The following MEIOSIN variants were observed in gnomAD, a reference collection of about 807,000 sequenced individuals.
The protein encoded by MEIOSIN is meiosis initiator protein.
Under a neutral mutation model 23.4 loss-of-function variants are expected in MEIOSIN, and 18 were observed. The ratio of observed to expected loss-of-function variants is 0.77; its 90% confidence interval spans 0.53 to 1.14. The LOEUF (loss-of-function observed/expected upper bound fraction) is 1.14. Ranked by LOEUF, MEIOSIN falls within the 50% of genes most tolerant of loss-of-function variation. The probability of loss-of-function intolerance (pLI) is 0.00; values close to 1 mark genes in which losing one functional copy is unlikely to be tolerated. For missense variants in MEIOSIN, 428 were observed against 242.9 expected (o/e 1.76, Z -5.07); for synonymous variants, 187 against 100.6 (o/e 1.86, Z -5.14).
intron 13 of MEIOSIN, among the ~76,000 whole-genome samples, chr19:45,762,419 A>G (rs1431158960): frequency 1.3e-5 from 2 of 151,944 alleles, no homozygotes; most frequent in Admixed American, 6.6e-5. Context: ...GAAAAAAAGG[A>G]GTTTTTTTTG....
intron 11 of MEIOSIN, among the ~76,000 whole-genome samples, 189 bp from the exon 12 acceptor site, chr19:45,761,490 T>C (rs929815075): frequency 4.7e-4 from 65 of 137,602 alleles, no homozygotes; most frequent in African/African-American, 1.5e-3. Flanking sequence ...GGCTGGTCTG[T>C]AACTCCTGGC....
At position 45,764,127 on chromosome 19, in the gene MEIOSIN, C is replaced by T. The variant is rs1053470436; in HGVS notation, c.*9C>T. ...CCCCGCACCTCCAGTGAGAGGGCGG[C>T]CCCTCGCCTCGCTCCCCTCACCCCT... On this transcript the variant is annotated 3_prime_UTR_variant, in exon 15 of 15. Transcript: ENST00000457052. 7.5e-6 allele frequency: 3 copies of T among 398,648 alleles called. No individual in the cohort carries two copies. The highest frequency in any genetic ancestry group is 6.3e-4 in the Middle Eastern group (1 of 1,588). 24.7% of individuals were successfully genotyped at this position (398,648 alleles called of 1,614,324 possible). A position where few individuals can be genotyped will look rare whatever the true frequency, so the allele number is the denominator to read the frequency against.
Position 45,758,093 on chromosome 19 carries a change from G to A in MEIOSIN, c.1013-785G>A, listed in dbSNP as rs1968867003. Among the ~76,000 whole-genome samples the A allele has an allele frequency of 9.2e-5, 14 of 151,856 alleles. No homozygotes were observed. The South Asian group carries it at 2.9e-3, about 32-fold the overall frequency. Reference sequence around the variant, plus strand: ...GTTCACTGCAACTTCTGCCTCCCAGGATCAGGTGATTCTGTGTCAGCCTCT... The same window carrying A: ...GTTCACTGCAACTTCTGCCTCCCAGAATCAGGTGATTCTGTGTCAGCCTCT... On this transcript the variant is annotated intron_variant, in intron 9 of 14. Transcript: ENST00000457052.
Position 45,755,912 on chromosome 19 carries a change from T to C in MEIOSIN, c.803-58T>C, listed in dbSNP as rs1600388043. On this transcript the variant is annotated intron_variant, in intron 7 of 14. Transcript: ENST00000457052. ...CTGGCACCCCTTTGTCCCCTGCTTC[T>C]GGGCTTCCTGGAATTTGGTCCAGTC... 1.0e-5 allele frequency: 7 copies of C among 682,494 alleles called. No individual in the cohort carries two copies. The East Asian group carries it at 1.9e-4, about 18-fold the overall frequency. 42.3% of individuals were successfully genotyped at this position (682,494 alleles called of 1,614,324 possible).
chr19:45,736,156 C>G (rs1968404945), intron 2 of MEIOSIN, among the ~76,000 whole-genome samples: 1 of 152,034 alleles, frequency 6.6e-6, no homozygotes, highest in Non-Finnish European at 1.5e-5. Context: ...GCTTGATCCT[C>G]CTGCTTCAGC....
intron 5 of MEIOSIN, among the ~76,000 whole-genome samples, chr19:45,751,784 G>A (rs1174578160): frequency 6.6e-6 from 1 of 151,548 alleles, no homozygotes; most frequent in Non-Finnish European, 1.5e-5. Context: ...AGGCTGGAGT[G>A]CAGTGGCGTG....
chr19:45,755,405 T>C (rs1478303825), intron 7 of MEIOSIN, among the ~76,000 whole-genome samples: 1 of 151,848 alleles, frequency 6.6e-6, no homozygotes, highest in Non-Finnish European at 1.5e-5. Context: ...CACCTTGGCC[T>C]CCCAAAGTGC....
chr19:45,748,426 A>G (rs769462266), intron 4 of MEIOSIN, among the ~76,000 whole-genome samples: 30 of 152,188 alleles, frequency 2.0e-4, no homozygotes, highest in Non-Finnish European at 3.1e-4. Flanking sequence ...ATCTCACTCC[A>G]AAGGCTCTTG....
At position 45,754,717 on chromosome 19, in the gene MEIOSIN, C is replaced by A; in HGVS notation, c.795C>A (p.Asp265Glu). 2 of 703,062 alleles carry A rather than the reference C, an allele frequency of 2.8e-6. No individual in the cohort carries two copies. Among genetic ancestry groups the A allele is most frequent in the Non-Finnish European group, 5.2e-6 (2 of 385,026 alleles). 43.6% of individuals were successfully genotyped at this position (703,062 alleles called of 1,614,324 possible). A position where few individuals can be genotyped will look rare whatever the true frequency, so the allele number is the denominator to read the frequency against. The change falls in exon 7 of 15, where the codon GAC becomes GAA. Residue 265 changes from aspartate (D) to glutamate (E), a missense_variant. Asp to Glu is a conservative substitution (Grantham distance 45). Transcript: ENST00000457052. ...TGGCCGAGGACACCATCCACTGTGA[C>A]ATCTCAAGTGGGTCTCTTTCCTCAC... ...LDLAEDTIHC[D>E]ISSCWCQGSV... is the part of the protein sequence containing the mutation.
intron 8 of MEIOSIN, 92 bp from the exon 9 acceptor site, chr19:45,757,085 C>T (rs1968844954): frequency 1.5e-6 from 1 of 647,938 alleles, no homozygotes; most frequent in African/African-American, 1.8e-5. Flanking sequence ...CCCAGCACTC[C>T]CCCAGGGGCC....
rs1371701335 is a variant in MEIOSIN at position 45,735,371 on chromosome 19, T to G, written c.1-6T>G. 1 of 702,620 alleles carries G rather than the reference T, an allele frequency of 1.4e-6. No homozygotes were observed. Among genetic ancestry groups the G allele is most frequent in the Non-Finnish European group, 2.6e-6 (1 of 384,814 alleles). 43.5% of individuals were successfully genotyped at this position (702,620 alleles called of 1,614,324 possible). On this transcript the variant is annotated splice_region_variant and splice_polypyrimidine_tract_variant and intron_variant, in intron 1 of 14. Transcript: ENST00000457052. ...GTCACTAATCATTCTTTTTCCCTCT[T>G]TGCAGATGTTTGGTTCCAGCAGATA...
chr19:45,748,730 C>G (rs933402319), intron 4 of MEIOSIN, among the ~76,000 whole-genome samples: 2 of 152,102 alleles, frequency 1.3e-5, no homozygotes, highest in Non-Finnish European at 2.9e-5. Flanking sequence ...TTAGCGAGTG[C>G]CAACCATATG....
chr19:45,757,646 G>A (rs1192962751), intron 9 of MEIOSIN, among the ~76,000 whole-genome samples: 7 of 151,478 alleles, frequency 4.6e-5, no homozygotes, highest in African/African-American at 1.7e-4. Flanking sequence ...TCAGCCTCCC[G>A]AGTAGCTGGG....
intron 5 of MEIOSIN, among the ~76,000 whole-genome samples, chr19:45,751,517 T>G (rs1968708044): frequency 6.6e-6 from 1 of 151,608 alleles, no homozygotes; most frequent in Non-Finnish European, 1.5e-5. Context: ...TTGTGCTTTT[T>G]GTTTTGTTTT....
In MEIOSIN at chr19:45,761,744, G is replaced by A. The variant is rs1600392682; in HGVS notation, c.1311G>A (p.Ser437=). Residue 437 remains serine, a synonymous_variant, in exon 12 of 15, where the codon TCG becomes TCA. Coordinates refer to ENST00000457052, the MANE Select transcript of MEIOSIN (RefSeq NM_001310124.2). The stretch of plus-strand genomic sequence containing the variant: ...ACAGCCTGCACCGGTCCTCAGTCTC[G>A]CTGGACCACTGCTACCTCTCGCTGA... ...ESHSLHRSSV[S]LDHCYLSLSG... The A allele has an allele frequency of 4.3e-6, 3 of 702,924 alleles. No individual in the cohort carries two copies. The highest frequency in any genetic ancestry group is 1.7e-5 in the African/African-American group (1 of 57,284). The allele number at this position is 702,924 out of a possible 1,614,324, so 43.5% of individuals were successfully genotyped here.
intron 5 of MEIOSIN, among the ~76,000 whole-genome samples, chr19:45,751,771 C>T (rs1425160979): frequency 6.6e-5 from 10 of 151,204 alleles, no homozygotes; most frequent in East Asian, 3.9e-4. Context: ...GCTCTTGTTG[C>T]GCAGGCTGGA....
intron 2 of MEIOSIN, among the ~76,000 whole-genome samples, chr19:45,735,651 G>A (rs1968397078): frequency 6.6e-6 from 1 of 152,098 alleles, no homozygotes; most frequent in Admixed American, 6.6e-5. Flanking sequence ...ACTCTGAGGT[G>A]ATCGGCAAAG....
chr19:45,742,557 A>G (rs1245260111), intron 3 of MEIOSIN, among the ~76,000 whole-genome samples: 3 of 151,962 alleles, frequency 2.0e-5, no homozygotes, highest in Non-Finnish European at 2.9e-5. Context: ...AGGCGGACAG[A>G]TCATGAGGTC....
rs918164 is a variant in MEIOSIN at position 45,754,766 on chromosome 19, A to G, written c.802+42A>G. On this transcript the variant is annotated intron_variant, in intron 7 of 14. Coordinates refer to ENST00000457052, the MANE Select transcript of MEIOSIN (RefSeq NM_001310124.2). ...ACTCTGAACTTAGTCTTTCAGTAAG[A>G]TGCCACTCTGGGGGCACCTGCTGTG... 344,362 of 699,546 alleles carry G rather than the reference A, an allele frequency of 0.49. 86,980 individuals are homozygous for G. Among genetic ancestry groups the G allele is most frequent in the East Asian group, 0.66 (24,594 of 37,208 alleles). The allele number at this position is 699,546 out of a possible 1,614,324, so 43.3% of individuals were successfully genotyped here.
Sources: allele counts gnomAD v4.1 joint callset (sites outside exome capture counted in the v4.1 genomes callset), GRCh38; gene constraint gnomAD v4.1.1; transcripts MANE v1.5; gene names NCBI Gene and HGNC (gene_info 2026-07-23, HGNC 2026-07-21).